The following DPP10 variants were observed in gnomAD, a reference collection of about 807,000 sequenced individuals.
The protein encoded by DPP10 is inactive dipeptidyl peptidase 10.
In DPP10, 33 loss-of-function variants were observed where a neutral mutation model predicts 120.9. The observed-to-expected ratio is 0.27, with a 90% CI of 0.21 to 0.37. The LOEUF (loss-of-function observed/expected upper bound fraction) is 0.37. Among genes scored for constraint, DPP10 ranks in the 10% least tolerant of loss-of-function variants. The pLI, the probability that DPP10 is intolerant of heterozygous loss-of-function variation, is 1.00. For missense variants in DPP10, 816 were observed against 942.8 expected, an observed-to-expected ratio of 0.87 and a Z score of 1.76; for synonymous variants, 337 against 326.1, an observed-to-expected ratio of 1.03 and a Z score of -0.36.
intron 1 of DPP10, among the ~76,000 whole-genome samples, chr2:115,080,775 TTC>T (rs1442836494): frequency 6.6e-6 from 1 of 152,342 alleles, no homozygotes; most frequent in East Asian, 1.9e-4. Flanking sequence ...TGGAATCATT[TTC>T]TCTCTGTCTA....
At chr2:115,455,777 A>G (rs573155897) in intron 3 of DPP10, among the ~76,000 whole-genome samples, 3 of 152,214 alleles carry the variant, frequency 2.0e-5, no homozygotes, top group Non-Finnish European at 4.4e-5. Context: ...TAGAAAGCTG[A>G]AAGTGGATCA....
chr2:115,808,910 T>C (rs1686322128), intron 19 of DPP10, among the ~76,000 whole-genome samples: 1 of 152,194 alleles, frequency 6.6e-6, no homozygotes. Flanking sequence ...AGATAGGGTC[T>C]TGGTAGCGGC....
intron 1 of DPP10, among the ~76,000 whole-genome samples, chr2:114,743,954 G>A (rs1266337977): frequency 1.3e-5 from 2 of 151,956 alleles, no homozygotes; most frequent in East Asian, 1.9e-4. Flanking sequence ...CAAGATCGAA[G>A]GTTATAAGTA....
At chr2:115,228,242 C>T (rs1158054226) in intron 1 of DPP10, among the ~76,000 whole-genome samples, 6 of 151,858 alleles carry the variant, frequency 4.0e-5, no homozygotes, top group South Asian at 2.1e-4. Context: ...CCACTGCACC[C>T]GGCCCTATAC....
At chr2:114,523,720 G>T (rs1558842359) in intron 1 of DPP10, among the ~76,000 whole-genome samples, 1 of 152,154 alleles carries the variant, frequency 6.6e-6, no homozygotes, top group Non-Finnish European at 1.5e-5. Context: ...CATGTTGCCA[G>T]ATGTGGAGTC....
chr2:114,636,166 A>G (rs984977423), intron 1 of DPP10, among the ~76,000 whole-genome samples: 16 of 152,026 alleles, frequency 1.1e-4, no homozygotes, highest in African/African-American at 3.9e-4. Context: ...AGTTCATTTC[A>G]CAAGTCAAAC....
At chr2:115,068,828 C>T (rs1328946509) in intron 1 of DPP10, among the ~76,000 whole-genome samples, 3 of 152,090 alleles carry the variant, frequency 2.0e-5, no homozygotes, top group Non-Finnish European at 4.4e-5. Flanking sequence ...AAAGACTTTC[C>T]CCATTGCATG....
intron 3 of DPP10, among the ~76,000 whole-genome samples, chr2:115,454,422 G>T (rs1296223108): frequency 6.6e-6 from 1 of 151,480 alleles, no homozygotes; most frequent in Non-Finnish European, 1.5e-5. Flanking sequence ...AGTCAAGGTT[G>T]GTTTGTCATC....
intron 8 of DPP10, among the ~76,000 whole-genome samples, chr2:115,738,365 G>A (rs1296700313): frequency 6.6e-6 from 1 of 152,038 alleles, no homozygotes; most frequent in Non-Finnish European, 1.5e-5. Flanking sequence ...TGTACTATCT[G>A]TGGGGTGTCA....
chr2:115,223,968 G>T (rs2057308622), intron 1 of DPP10, among the ~76,000 whole-genome samples: 1 of 152,038 alleles, frequency 6.6e-6, no homozygotes, highest in Non-Finnish European at 1.5e-5. Flanking sequence ...TATCAAAGCT[G>T]CAAAATCACA....
In DPP10 at chr2:115,396,273, T is replaced by C. The variant is rs185046555; in HGVS notation, c.271+52361T>C. On this transcript the variant is annotated intron_variant, in intron 3 of 25. Coordinates refer to ENST00000410059, the MANE Select transcript of DPP10 (RefSeq NM_020868.6). ...TATTTTACCCAGTACAGAACTTTTTTAGAAATCAAGGTTATACAAGCAACT... is the reference window on the plus strand; with the variant it reads ...TATTTTACCCAGTACAGAACTTTTTCAGAAATCAAGGTTATACAAGCAACT... Among the ~76,000 whole-genome samples the C allele has an allele frequency of 1.5e-3, 226 of 152,290 alleles. 2 individuals are homozygous for C. The highest frequency in any genetic ancestry group is 5.3e-3 in the African/African-American group (221 of 41,582).
chr2:114,822,205 C>T (rs1359390360), intron 1 of DPP10, among the ~76,000 whole-genome samples: 1 of 152,186 alleles, frequency 6.6e-6, no homozygotes, highest in Admixed American at 6.5e-5. Flanking sequence ...GGCGGAGGTT[C>T]CCAAACCTCA....
intron 13 of DPP10, among the ~76,000 whole-genome samples, chr2:115,771,662 T>C (rs1175940584): frequency 6.6e-6 from 1 of 152,106 alleles, no homozygotes; most frequent in Non-Finnish European, 1.5e-5. Flanking sequence ...CCCCCTTTCC[T>C]TCCCTTGCTG....
At chr2:114,470,461 T>C (rs972757098) in intron 1 of DPP10, among the ~76,000 whole-genome samples, 19 of 152,220 alleles carry the variant, frequency 1.2e-4, no homozygotes, top group Non-Finnish European at 2.9e-5. Context: ...ATTACTATTG[T>C]ATAGGATTTC....
intron 1 of DPP10, among the ~76,000 whole-genome samples, chr2:114,851,258 T>A (rs1688926655): frequency 6.6e-6 from 1 of 152,186 alleles, no homozygotes; most frequent in South Asian, 2.1e-4. Context: ...TGATTCTCAT[T>A]TAGGGTTTAA....
chr2:115,768,403 A>G lies in DPP10; in HGVS notation c.1220A>G (p.Gln407Arg). Residue 407 changes from glutamine to arginine, a missense_variant and splice_region_variant, in exon 13 of 26, where the codon CAG (glutamine) becomes CGG (arginine). This residue lies in a region of DPP10 where 592 missense variants were observed against 649.0 expected (regional missense o/e 0.91). Transcript: ENST00000410059. Reference sequence around the variant, plus strand: ...CACCACGTAGCTATGTTCCTCATCCAGGTAAGTGCTGGCTTTTTTCCATGT... The same window carrying G: ...CACCACGTAGCTATGTTCCTCATCCGGGTAAGTGCTGGCTTTTTTCCATGT... ...EFHHVAMFLI[Q>R]SKSEQITVRH... The G allele has an allele frequency of 6.2e-7, 1 of 1,611,830 alleles. No individual in the cohort carries two copies.
chr2:114,637,474 A>G (rs1184937812), intron 1 of DPP10, among the ~76,000 whole-genome samples: 1 of 151,918 alleles, frequency 6.6e-6, no homozygotes, highest in East Asian at 1.9e-4. Flanking sequence ...GCTGTGCAGA[A>G]GCTCTTTAGT....
At chr2:114,719,083 T>C (rs1701538682) in intron 1 of DPP10, among the ~76,000 whole-genome samples, 1 of 152,242 alleles carries the variant, frequency 6.6e-6, no homozygotes, top group Admixed American at 6.5e-5. Flanking sequence ...TGGTTGTTCT[T>C]ACTATTCCCA....
chr2:114,594,643 G>A (rs1376410153), intron 1 of DPP10, among the ~76,000 whole-genome samples: 1 of 144,764 alleles, frequency 6.9e-6, no homozygotes, highest in Non-Finnish European at 1.5e-5. Flanking sequence ...ATCCTCTTGG[G>A]GAGAGGTCAA....
Sources: gnomAD v4.1 joint callset for allele counts (sites outside exome capture counted in the v4.1 genomes callset) on GRCh38, gnomAD v4.1.1 for gene constraint, gnomAD v4.1.1 regional missense constraint, MANE v1.5 for transcripts, NCBI Gene and HGNC (gene_info 2026-07-23, HGNC 2026-07-21) for gene names.